KCNH7: variants seen among roughly 807,000 people sequenced by gnomAD.
KCNH7 encodes potassium voltage-gated channel subfamily H member 7, also known as voltage-gated inwardly rectifying potassium channel KCNH7.
Under a neutral mutation model 120.8 loss-of-function variants are expected in KCNH7, and 49 were observed. The observed-to-expected ratio is 0.41, with a 90% CI of 0.32 to 0.51. KCNH7 has a LOEUF of 0.51. KCNH7 is among the 20% of genes least tolerant of loss of function. KCNH7 has a pLI of 0.38. For missense variants in KCNH7, 1,097 were observed against 1,446.6 expected, an observed-to-expected ratio of 0.76 and a Z score of 3.92; for synonymous variants, 547 against 516.1, an observed-to-expected ratio of 1.06 and a Z score of -0.81.
At chr2:162,552,912 T>C (rs1692725596) in intron 2 of KCNH7, among the ~76,000 whole-genome samples, 1 of 152,180 alleles carries the variant, frequency 6.6e-6, no homozygotes, top group East Asian at 1.9e-4. Context: ...CACAACTTGA[T>C]TTCAGCCTTG....
intron 2 of KCNH7, among the ~76,000 whole-genome samples, chr2:162,751,889 A>G (rs1688563723): frequency 6.6e-6 from 1 of 152,050 alleles, no homozygotes; most frequent in African/African-American, 2.4e-5. Context: ...GTTAAAAAGA[A>G]TATACCCCTA....
chr2:162,386,487 C>T (rs953984574), intron 12 of KCNH7, among the ~76,000 whole-genome samples: 4 of 151,740 alleles, frequency 2.6e-5, no homozygotes, highest in Admixed American at 6.6e-5. Flanking sequence ...CTAAATTATC[C>T]TCATACCTGC....
intron 13 of KCNH7, among the ~76,000 whole-genome samples, chr2:162,383,874 A>G (rs566070081): frequency 6.6e-6 from 1 of 151,962 alleles, no homozygotes; most frequent in Admixed American, 6.6e-5. Flanking sequence ...TCTTTTAAAG[A>G]TGCATAAACT....
chr2:162,788,409 A>T (rs1185703027), intron 2 of KCNH7, among the ~76,000 whole-genome samples: 1 of 152,176 alleles, frequency 6.6e-6, no homozygotes, highest in Non-Finnish European at 1.5e-5. Context: ...AGTTCAACAA[A>T]GAGACAGGAA....
intron 6 of KCNH7, among the ~76,000 whole-genome samples, chr2:162,488,662 A>G (rs1033781600): frequency 5.9e-5 from 9 of 152,196 alleles, no homozygotes; most frequent in African/African-American, 1.9e-4. Flanking sequence ...CATAAGGTCC[A>G]TAAATATCCC....
At chr2:162,807,283 A>AC (rs1684583430) in intron 2 of KCNH7, among the ~76,000 whole-genome samples, 1 of 148,454 alleles carries the variant, frequency 6.7e-6, no homozygotes, top group Non-Finnish European at 1.5e-5. Context: ...AAAAAAAAAA[A>AC]CAAATTAGCC....
chr2:162,784,245 TC>T (rs1462119980), intron 2 of KCNH7, among the ~76,000 whole-genome samples: 1 of 152,166 alleles, frequency 6.6e-6, no homozygotes, highest in African/African-American at 2.4e-5. Flanking sequence ...TGTTCAACAT[TC>T]CCTATCACAT....
intron 6 of KCNH7, among the ~76,000 whole-genome samples, chr2:162,480,143 GT>G (rs555131987): frequency 2.0e-4 from 30 of 148,990 alleles, no homozygotes; most frequent in Admixed American, 4.7e-4. Context: ...TAAGAATTCT[GT>G]TTTTTTTTTA....
At chr2:162,497,056 A>G (rs1321017796) in intron 6 of KCNH7, 2 of 152,202 alleles carry the variant, frequency 1.3e-5, no homozygotes, top group Admixed American at 6.5e-5. Flanking sequence ...GAGATGACAA[A>G]TAATTTTAAA....
chr2:162,731,015 C>A (rs765236636), intron 2 of KCNH7, among the ~76,000 whole-genome samples: 2 of 151,516 alleles, frequency 1.3e-5, no homozygotes, highest in Admixed American at 6.6e-5. Context: ...GAGAAAAAAT[C>A]TTTATTTTAT....
intron 2 of KCNH7, among the ~76,000 whole-genome samples, chr2:162,693,236 A>G (rs1057345501): frequency 1.9e-4 from 29 of 152,208 alleles, no homozygotes; most frequent in Non-Finnish European, 5.9e-5. Flanking sequence ...ATTCTTCATT[A>G]CAAAGCAGTT....
intron 2 of KCNH7, among the ~76,000 whole-genome samples, chr2:162,747,648 C>A (rs1465613207): frequency 6.6e-6 from 1 of 152,104 alleles, no homozygotes. Context: ...TGAAATCACT[C>A]TACCAGATAA....
chr2:162,765,799 C>T (rs189572876), intron 2 of KCNH7, among the ~76,000 whole-genome samples: 53 of 152,172 alleles, frequency 3.5e-4, no homozygotes, highest in African/African-American at 1.0e-3. Flanking sequence ...CTCTTTTACC[C>T]GGGCTGCTGC....
chr2:162,533,233 G>A (rs1200440526), intron 3 of KCNH7, among the ~76,000 whole-genome samples: 1 of 151,696 alleles, frequency 6.6e-6, no homozygotes, highest in Non-Finnish European at 1.5e-5. Flanking sequence ...TTTTAAAAGG[G>A]CAAAGAAAAG....
At chr2:162,542,221 T>C (rs1574081598) in intron 2 of KCNH7, among the ~76,000 whole-genome samples, 2 of 150,702 alleles carry the variant, frequency 1.3e-5, no homozygotes, top group African/African-American at 4.9e-5. Context: ...TGGCTGTGAT[T>C]CTTTTTTTTT....
At chr2:162,670,592 C>T (rs1685315416) in intron 2 of KCNH7, among the ~76,000 whole-genome samples, 1 of 151,060 alleles carries the variant, frequency 6.6e-6, no homozygotes, top group Non-Finnish European at 1.5e-5. Context: ...ATTTCCATTG[C>T]CCTGTTATTG....
chr2:162,593,281 A>T (rs1032390690), intron 2 of KCNH7, among the ~76,000 whole-genome samples: 2 of 152,092 alleles, frequency 1.3e-5, no homozygotes, highest in Admixed American at 6.6e-5. Flanking sequence ...GCTTCAATCA[A>T]ATAGTTCCAC....
chr2:162,725,777 T>C (rs187745033), intron 2 of KCNH7, among the ~76,000 whole-genome samples: 7 of 152,220 alleles, frequency 4.6e-5, no homozygotes, highest in African/African-American at 9.6e-5. Context: ...TAAGAGAAAA[T>C]AGAGTAAAAA....
chr2:162,456,041 T>G (rs111458125), intron 6 of KCNH7, among the ~76,000 whole-genome samples: 8,927 of 152,224 alleles, frequency 0.059, 273 homozygotes, highest in Middle Eastern at 0.068. Flanking sequence ...GGTGTTGATT[T>G]GAGATCTTCC....
Sources: allele counts gnomAD v4.1 joint callset (sites outside exome capture counted in the v4.1 genomes callset), GRCh38; gene constraint gnomAD v4.1.1; transcripts MANE v1.5; gene names NCBI Gene and HGNC (gene_info 2026-07-23, HGNC 2026-07-21).